SYT14: variants seen among roughly 807,000 people sequenced by gnomAD.
SYT14 encodes the protein synaptotagmin-14.
Under a neutral mutation model 74.2 loss-of-function variants are expected in SYT14, and 32 were observed. The ratio of observed to expected loss-of-function variants is 0.43; its 90% CI spans 0.33 to 0.58. The LOEUF is 0.58. Among genes scored for constraint, SYT14 ranks in the 20% least tolerant of loss-of-function variants. The probability of loss-of-function intolerance (pLI) is 0.05; values close to 1 mark genes in which losing one functional copy is unlikely to be tolerated. For missense variants in SYT14, 791 were observed against 981.8 expected, an observed-to-expected ratio of 0.81 and a Z score of 2.60; for synonymous variants, 298 against 337.7, an observed-to-expected ratio of 0.88 and a Z score of 1.29.
At chr1:210,100,823 A>G (rs1327470333) in intron 7 of SYT14, among the ~76,000 whole-genome samples, 1 of 152,170 alleles carries the variant, frequency 6.6e-6, no homozygotes, top group East Asian at 1.9e-4. Flanking sequence ...TAGGCAATAC[A>G]TTAAGAAGTA....
intron 7 of SYT14, among the ~76,000 whole-genome samples, chr1:210,152,007 A>T (rs1049059163): frequency 2.0e-5 from 3 of 152,222 alleles, no homozygotes; most frequent in East Asian, 1.9e-4. Context: ...AATGTATCTC[A>T]CAATATTCTA....
At chr1:210,111,752 G>A (rs183527322) in intron 7 of SYT14, among the ~76,000 whole-genome samples, 2 of 151,286 alleles carry the variant, frequency 1.3e-5, no homozygotes, top group African/African-American at 4.9e-5. Context: ...CCGAATAATA[G>A]GAGAAAAACA....
chr1:210,059,451 T>TATATATAGAGAGAGAGAAAGAG (rs377050610), intron 5 of SYT14, among the ~76,000 whole-genome samples: 1 of 69,892 alleles, frequency 1.4e-5, no homozygotes, highest in East Asian at 4.3e-4. Flanking sequence ...TATATATATA[T>TATATATAGAGAGAGAGAAAGAG]AGAGAGAGAG....
chr1:209,961,937 C>T (rs1384901712), intron 2 of SYT14, among the ~76,000 whole-genome samples: 5 of 152,078 alleles, frequency 3.3e-5, no homozygotes, highest in Non-Finnish European at 7.4e-5. Flanking sequence ...CGAAGTGGCT[C>T]CTAGTATGAA....
chr1:210,101,950 C>A (rs1401398075), intron 7 of SYT14, among the ~76,000 whole-genome samples: 1 of 152,134 alleles, frequency 6.6e-6, no homozygotes, highest in African/African-American at 2.4e-5. Flanking sequence ...ACTGTCTTAT[C>A]TCTGTTCAAA....
At chr1:210,020,572 G>A (rs2080280531) in intron 4 of SYT14, among the ~76,000 whole-genome samples, 1 of 152,060 alleles carries the variant, frequency 6.6e-6, no homozygotes, top group Non-Finnish European at 1.5e-5. Flanking sequence ...TGAAAATTTT[G>A]ACCAAAACGA....
chr1:210,083,417 T>C (rs2081655849), intron 5 of SYT14, among the ~76,000 whole-genome samples: 1 of 152,188 alleles, frequency 6.6e-6, no homozygotes, highest in Admixed American at 6.5e-5. Context: ...AAAAGAAGAT[T>C]ATATATTTAT....
intron 5 of SYT14, among the ~76,000 whole-genome samples, chr1:210,049,360 A>T (rs1371135738): frequency 2.0e-5 from 3 of 151,240 alleles, no homozygotes; most frequent in Admixed American, 2.0e-4. Flanking sequence ...ATCTTCTGAA[A>T]TCTAGGCGGA....
intron 7 of SYT14, among the ~76,000 whole-genome samples, chr1:210,106,035 T>C (rs1258835700): frequency 1.3e-5 from 2 of 152,220 alleles, no homozygotes; most frequent in Non-Finnish European, 2.9e-5. Context: ...GGTATGTCTT[T>C]TTAACAACAT....
intron 7 of SYT14, among the ~76,000 whole-genome samples, chr1:210,145,844 T>C (rs2083021748): frequency 6.6e-6 from 1 of 152,222 alleles, no homozygotes; most frequent in Non-Finnish European, 1.5e-5. Context: ...AGAATATTGT[T>C]TCTGTTACCA....
intron 2 of SYT14, among the ~76,000 whole-genome samples, chr1:209,991,366 C>T (rs1395651255): frequency 1.3e-5 from 2 of 152,070 alleles, no homozygotes; most frequent in Admixed American, 1.3e-4. Context: ...GGGGAAAATA[C>T]TAGCCAACTT....
chr1:210,052,721 A>G (rs1416239789), intron 5 of SYT14, among the ~76,000 whole-genome samples: 1 of 149,886 alleles, frequency 6.7e-6, no homozygotes, highest in Non-Finnish European at 1.5e-5. Flanking sequence ...TTCTAAAGCA[A>G]TTTATTAAAT....
chr1:210,007,783 A>C (rs2080015687), intron 2 of SYT14, among the ~76,000 whole-genome samples: 1 of 152,208 alleles, frequency 6.6e-6, no homozygotes, highest in South Asian at 2.1e-4. Context: ...GTCTGGATTC[A>C]AATCCAGGTT....
At position 210,053,168 on chromosome 1, in the gene SYT14, T is replaced by G. The variant is rs577632946; in HGVS notation, c.1312+31914T>G. Among the ~76,000 whole-genome samples, 4 of 152,274 alleles carry G rather than the reference T, an allele frequency of 2.6e-5. 1 individual carries two copies. In the South Asian group the frequency reaches 8.3e-4, roughly 32 times the overall value. ...TTCATGCATAGAAGGTAGAATTATA[T>G]TGTAGTAGAATCTCCTTTGGTTTTT... is the stretch of plus-strand genomic sequence containing the variant. On this transcript the variant is annotated intron_variant, in intron 5 of 9. Coordinates refer to ENST00000637265, the Ensembl canonical transcript of SYT14.
exon 10 of SYT14, chr1:210,160,820 A>G: frequency 1.2e-6 from 2 of 1,614,018 alleles, no homozygotes; most frequent in Non-Finnish European, 1.7e-6. Context: ...CAAATCCAGT[A>G]TATAAGGAAA....
intron 4 of SYT14, among the ~76,000 whole-genome samples, chr1:210,019,550 A>G (rs2080261334): frequency 6.6e-6 from 1 of 152,208 alleles, no homozygotes; most frequent in African/African-American, 2.4e-5. Flanking sequence ...ATATTGGGCA[A>G]GCACTGCCAC....
chr1:210,104,087 C>G (rs191154631), intron 7 of SYT14, among the ~76,000 whole-genome samples: 10 of 152,278 alleles, frequency 6.6e-5, no homozygotes, highest in African/African-American at 1.2e-4. Context: ...GCAGTCAGAT[C>G]ATGTTTCCAT....
At chr1:210,113,666 G>A (rs1409835198) in intron 7 of SYT14, among the ~76,000 whole-genome samples, 5 of 150,884 alleles carry the variant, frequency 3.3e-5, no homozygotes, top group African/African-American at 1.2e-4. Context: ...GGATTAAGGT[G>A]GGGAGATAGA....
intron 7 of SYT14, among the ~76,000 whole-genome samples, chr1:210,144,587 T>C (rs2082991308): frequency 6.6e-6 from 1 of 152,044 alleles, no homozygotes; most frequent in African/African-American, 2.4e-5. Context: ...ATTTTTAAAA[T>C]GAAATTCAAT....
Sources: gnomAD v4.1 joint callset for allele counts (sites outside exome capture counted in the v4.1 genomes callset) on GRCh38, gnomAD v4.1.1 for gene constraint, MANE v1.5 for transcripts, NCBI Gene and HGNC (gene_info 2026-07-23, HGNC 2026-07-21) for gene names.